Variants in RGS7 observed in about 807,000 individuals in gnomAD.
RGS7 encodes the protein regulator of G protein signaling 7.
Under a neutral mutation model 81.1 loss-of-function variants are expected in RGS7, and 27 were observed. The ratio of observed to expected loss-of-function variants is 0.33; its 90% confidence interval spans 0.25 to 0.46. RGS7 has a LOEUF of 0.46. RGS7 is among the 20% of genes least tolerant of loss of function. The pLI is 1.00. For missense variants in RGS7, 396 were observed against 607.4 expected, an observed-to-expected ratio of 0.65 and a Z score of 3.66; for synonymous variants, 208 against 207.7, an observed-to-expected ratio of 1.00 and a Z score of -0.01.
At chr1:241,305,264 AAC>A (rs543325411) in intron 2 of RGS7, among the ~76,000 whole-genome samples, 2 of 152,234 alleles carry the variant, frequency 1.3e-5, no homozygotes, top group South Asian at 4.1e-4. Context: ...TCGATGGAGA[AAC>A]ACATTCAGAA....
At chr1:240,862,060 C>T (rs1662304417) in intron 9 of RGS7, among the ~76,000 whole-genome samples, 1 of 152,124 alleles carries the variant, frequency 6.6e-6, no homozygotes, top group Admixed American at 6.5e-5. Context: ...TGGTGTATTT[C>T]TCCCACTATA....
chr1:241,291,779 T>C (rs7553294), intron 2 of RGS7, among the ~76,000 whole-genome samples: 18,686 of 151,922 alleles, frequency 0.12, 1,291 homozygotes, highest in Middle Eastern at 0.17. Flanking sequence ...TTTTGCCATG[T>C]TGGGCAGGCT....
At chr1:240,957,376 T>G (rs1408832456) in intron 4 of RGS7, among the ~76,000 whole-genome samples, 1 of 152,188 alleles carries the variant, frequency 6.6e-6, no homozygotes, top group South Asian at 2.1e-4. Flanking sequence ...CTTTTGAGGC[T>G]TTGTGACTCC....
chr1:241,322,048 C>T (rs552344770), intron 2 of RGS7, among the ~76,000 whole-genome samples: 1 of 152,262 alleles, frequency 6.6e-6, no homozygotes, highest in Admixed American at 6.5e-5. Flanking sequence ...CTTGACTAAC[C>T]TTCCTCCCAT....
chr1:241,295,862 G>A (rs74505179), intron 2 of RGS7, among the ~76,000 whole-genome samples: 23,203 of 152,192 alleles, frequency 0.15, 2,265 homozygotes, highest in Middle Eastern at 0.25. Flanking sequence ...TGTGAGTGTT[G>A]AGTACAAGAC....
At position 240,969,230 on chromosome 1, in the gene RGS7, T is replaced by C. The variant is rs181161372; in HGVS notation, c.226+13849A>G. 3.2e-3 allele frequency among the ~76,000 whole-genome samples: 483 copies of C among 152,318 alleles called. 1 individual carries two copies. In the Middle Eastern group the frequency reaches 0.034, roughly 11 times the overall value. On this transcript the variant is annotated intron_variant, in intron 4 of 18. Coordinates refer to ENST00000440928, the MANE Select transcript of RGS7 (RefSeq NM_001364886.1). ...TAAGGAAAGTTGCTTATGTCTTATT[T>C]CTTTGCCAAAGGAAATTCAAGTCGG...
chr1:241,109,906 C>T (rs201442698), intron 2 of RGS7, among the ~76,000 whole-genome samples: 3 of 151,718 alleles, frequency 2.0e-5, no homozygotes, highest in African/African-American at 4.8e-5. Context: ...TGCAGTGAGC[C>T]GAGATTATGC....
chr1:241,125,690 A>T (rs1216997461), intron 2 of RGS7, among the ~76,000 whole-genome samples: 1 of 152,258 alleles, frequency 6.6e-6, no homozygotes, highest in Non-Finnish European at 1.5e-5. Context: ...TGCTTAGAAA[A>T]TAATAAGTGT....
chr1:240,892,950 C>T (rs952066550), intron 6 of RGS7, among the ~76,000 whole-genome samples: 6 of 152,076 alleles, frequency 3.9e-5, no homozygotes, highest in Admixed American at 1.3e-4. Context: ...AAATGTGTTG[C>T]AACTAGATCA....
At chr1:241,129,178 A>G (rs1470592916) in intron 2 of RGS7, among the ~76,000 whole-genome samples, 5 of 152,030 alleles carry the variant, frequency 3.3e-5, no homozygotes, top group Admixed American at 1.3e-4. Context: ...GAAATTCACC[A>G]TAAGATTTTC....
chr1:241,138,691 C>T (rs1012445739), intron 2 of RGS7, among the ~76,000 whole-genome samples: 9 of 152,140 alleles, frequency 5.9e-5, no homozygotes, highest in Admixed American at 4.6e-4. Context: ...ATCCTCATCT[C>T]GACCCTTTCC....
chr1:240,851,998 A>T (rs1012580902), intron 9 of RGS7, among the ~76,000 whole-genome samples: 9 of 152,230 alleles, frequency 5.9e-5, no homozygotes, highest in African/African-American at 1.9e-4. Flanking sequence ...TATTATATAA[A>T]CTTAGTTGAT....
chr1:241,137,014 A>G (rs553099052), intron 2 of RGS7, among the ~76,000 whole-genome samples: 1 of 152,174 alleles, frequency 6.6e-6, no homozygotes, highest in Non-Finnish European at 1.5e-5. Context: ...AACAATGTGC[A>G]TTACATTCAG....
chr1:240,799,249 TG>T (rs1558268224), intron 18 of RGS7, among the ~76,000 whole-genome samples: 1 of 70,042 alleles, frequency 1.4e-5, no homozygotes. Context: ...GTTATTATTA[TG>T]GTTTGTGTGT....
At chr1:240,894,989 G>A (rs1668812008) in intron 6 of RGS7, among the ~76,000 whole-genome samples, 2 of 152,194 alleles carry the variant, frequency 1.3e-5, no homozygotes, top group Non-Finnish European at 2.9e-5. Flanking sequence ...CCTGGTGGGA[G>A]GTGTTTGGAC....
chr1:241,116,695 GTACA>G (rs1258101147), intron 2 of RGS7, among the ~76,000 whole-genome samples: 4 of 152,054 alleles, frequency 2.6e-5, no homozygotes, highest in African/African-American at 9.7e-5. Context: ...TAGTCATGGG[GTACA>G]TAGTGATGTT....
intron 2 of RGS7, chr1:241,305,528 CTT>C (rs58469663): frequency 6.5e-5 from 9 of 139,470 alleles, no homozygotes; most frequent in South Asian, 2.3e-4. Context: ...CTCTTCCCAT[CTT>C]TTTTTTTTTT....
chr1:241,204,728 T>C (rs563097337), intron 2 of RGS7, among the ~76,000 whole-genome samples: 1 of 151,936 alleles, frequency 6.6e-6, no homozygotes, highest in South Asian at 2.1e-4. Context: ...AATGAGCCTA[T>C]GAAAAGCAAT....
intron 2 of RGS7, among the ~76,000 whole-genome samples, chr1:241,236,515 A>G (rs2075985305): frequency 6.6e-6 from 1 of 152,148 alleles, no homozygotes; most frequent in Non-Finnish European, 1.5e-5. Context: ...TCTTGATTTT[A>G]TATTTTTAAT....
Sources: gnomAD v4.1 joint callset for allele counts (sites outside exome capture counted in the v4.1 genomes callset) on GRCh38, gnomAD v4.1.1 for gene constraint, MANE v1.5 for transcripts, NCBI Gene and HGNC (gene_info 2026-07-23, HGNC 2026-07-21) for gene names.